Variants in DLGAP2 observed in about 807,000 individuals in gnomAD.
DLGAP2 encodes disks large-associated protein 2.
A neutral mutation model predicts 100.3 loss-of-function variants in DLGAP2; 26 were observed. The observed-to-expected ratio is 0.26, with a 90% CI of 0.19 to 0.36. DLGAP2 has a LOEUF of 0.36. DLGAP2 is among the 10% of genes least tolerant of loss of function. DLGAP2 has a pLI of 1.00. For synonymous variants in DLGAP2, 886 were observed against 630.1 expected, an observed-to-expected ratio of 1.41 and a Z score of -6.08; for missense variants, 1,858 against 1,453.2, an observed-to-expected ratio of 1.28 and a Z score of -4.53.
intron 1 of DLGAP2, among the ~76,000 whole-genome samples, chr8:785,279 C>G (rs918024653): frequency 6.8e-6 from 1 of 147,098 alleles, no homozygotes; most frequent in Non-Finnish European, 1.5e-5. Context: ...TCAGATGCGC[C>G]GGATCCTGCC....
chr8:871,362 C>T (rs1357450219), intron 1 of DLGAP2, among the ~76,000 whole-genome samples: 4 of 152,190 alleles, frequency 2.6e-5, no homozygotes, highest in African/African-American at 7.2e-5. Context: ...CTTTGGGTTA[C>T]TTTTGTATTT....
chr8:1,553,046 G>A (rs541673564), intron 5 of DLGAP2, among the ~76,000 whole-genome samples: 5 of 152,304 alleles, frequency 3.3e-5, no homozygotes, highest in South Asian at 2.1e-4. Context: ...ACAGTCCACC[G>A]AAACTCCCAG....
In DLGAP2 at chr8:989,983, C is replaced by T. The variant is rs561024728; in HGVS notation, c.73+82017C>T. On this transcript the variant is annotated intron_variant, in intron 2 of 14. Transcript: ENST00000637795. ...TCGATGAGCTCTGAGGAACGTATTCCTCAGAAAGCCTCTCTTGCCGCTCCC... is the reference window on the plus strand; with the variant it reads ...TCGATGAGCTCTGAGGAACGTATTCTTCAGAAAGCCTCTCTTGCCGCTCCC... Among the ~76,000 whole-genome samples the T allele has an allele frequency of 2.0e-5, 3 of 152,168 alleles. No individual in the cohort carries two copies. In the South Asian group the frequency reaches 6.2e-4, roughly 32 times the overall value.
At chr8:1,571,514 GTT>G (rs1802680160) in intron 6 of DLGAP2, among the ~76,000 whole-genome samples, 3 of 147,314 alleles carry the variant, frequency 2.0e-5, no homozygotes, top group Admixed American at 1.3e-4. Flanking sequence ...GAACTGGAGG[GTT>G]GTCTTCTGGG....
At chr8:1,424,334 C>T (rs1171487296) in intron 3 of DLGAP2, among the ~76,000 whole-genome samples, 2 of 152,210 alleles carry the variant, frequency 1.3e-5, no homozygotes, top group Non-Finnish European at 2.9e-5. Flanking sequence ...ATCAAGGGCC[C>T]ACTATGAGCC....
intron 1 of DLGAP2, among the ~76,000 whole-genome samples, chr8:841,126 TA>T (rs1333333138): frequency 6.6e-6 from 1 of 152,252 alleles, no homozygotes; most frequent in East Asian, 1.9e-4. Context: ...TCTATTTCAT[TA>T]TGAAATGGAG....
rs1799596774 is a variant in DLGAP2 at position 1,702,316 on chromosome 8, T to A, written c.*910T>A. On this transcript the variant is annotated 3_prime_UTR_variant, in exon 15 of 15. Coordinates refer to ENST00000637795, the MANE Select transcript of DLGAP2 (RefSeq NM_001346810.2). Reference sequence around the variant, plus strand: ...GTGATTTTTTTAATGTATGTATATATATATATTCTCAAATTGCTCTATCAG... The same window carrying A: ...GTGATTTTTTTAATGTATGTATATAAATATATTCTCAAATTGCTCTATCAG... 6.6e-6 allele frequency: 1 copy of A among 152,396 alleles called. No homozygotes were observed. Among genetic ancestry groups the A allele is most frequent in the Non-Finnish European group, 1.5e-5 (1 of 68,036 alleles). 9.4% of individuals were successfully genotyped at this position (152,396 alleles called of 1,614,324 possible).
chr8:1,258,012 C>T (rs981756162), intron 2 of DLGAP2, among the ~76,000 whole-genome samples: 4 of 152,232 alleles, frequency 2.6e-5, no homozygotes, highest in East Asian at 1.9e-4. Context: ...GCACTTGCTA[C>T]AGCTTCCTTG....
intron 3 of DLGAP2, among the ~76,000 whole-genome samples, chr8:1,362,942 G>A (rs951857206): frequency 6.6e-6 from 1 of 151,910 alleles, no homozygotes; most frequent in Non-Finnish European, 1.5e-5. Context: ...TCTTCACTTC[G>A]GGGCAGCACC....
chr8:907,552 C>T (rs145592678), intron 1 of DLGAP2, among the ~76,000 whole-genome samples: 27 of 152,252 alleles, frequency 1.8e-4, no homozygotes, highest in East Asian at 9.7e-4. Flanking sequence ...GCTCTAATTG[C>T]GCCTAATATT....
chr8:1,053,533 C>T (rs1173126914), intron 2 of DLGAP2, among the ~76,000 whole-genome samples: 1 of 152,038 alleles, frequency 6.6e-6, no homozygotes, highest in East Asian at 1.9e-4. Flanking sequence ...GAAATGTGTG[C>T]ATGCAGCTGA....
intron 2 of DLGAP2, among the ~76,000 whole-genome samples, chr8:1,232,309 T>TG (rs1391106137): frequency 2.0e-5 from 3 of 152,094 alleles, no homozygotes; most frequent in Admixed American, 6.6e-5. Context: ...TGGACCTGAG[T>TG]GGGGGTGTCT....
At chr8:791,375 G>A (rs186833868) in intron 1 of DLGAP2, among the ~76,000 whole-genome samples, 13 of 152,168 alleles carry the variant, frequency 8.5e-5, no homozygotes, top group Admixed American at 8.5e-4. Flanking sequence ...AGTGTTATCA[G>A]GAGAAAACAA....
chr8:823,510 A>T (rs1796627449), intron 1 of DLGAP2, among the ~76,000 whole-genome samples: 1 of 152,008 alleles, frequency 6.6e-6, no homozygotes, highest in African/African-American at 2.4e-5. Flanking sequence ...GCAGAAGATA[A>T]CTTGTTAAAA....
chr8:1,698,252 T>C (rs1278860204), intron 14 of DLGAP2, among the ~76,000 whole-genome samples: 2 of 152,138 alleles, frequency 1.3e-5, no homozygotes, highest in Non-Finnish European at 2.9e-5. Context: ...ACGTAAGCCA[T>C]GCGTGGGACA....
rs1282059834 is a variant in DLGAP2, at chr8:1,288,479, G to C, written c.106+29596G>C. 3.6e-5 allele frequency among the ~76,000 whole-genome samples: 4 copies of C among 112,254 alleles called. No homozygotes were observed. The South Asian group carries it at 1.5e-3, about 42-fold the overall frequency. 73.6% of individuals were successfully genotyped at this position (112,254 alleles called of 152,430 possible). A position where few individuals can be genotyped will look rare whatever the true frequency, so the allele number is the denominator to read the frequency against. On this transcript the variant is annotated intron_variant, in intron 3 of 14. Transcript: ENST00000637795. ...TCTGTTAGGAGGGGAACTTGTTTCA[G>C]TTCAGTGTGTGTGTGTGTGTGTGTG...
intron 1 of DLGAP2, chr8:753,391 A>G (rs573167162): frequency 1.3e-5 from 2 of 152,370 alleles, no homozygotes; most frequent in East Asian, 3.9e-4. Flanking sequence ...GAAATGGGAC[A>G]TTCAGTCACT....
intron 1 of DLGAP2, among the ~76,000 whole-genome samples, chr8:814,462 T>G (rs546909366): frequency 6.6e-6 from 1 of 152,344 alleles, no homozygotes; most frequent in East Asian, 1.9e-4. Flanking sequence ...TGTAACTATG[T>G]CCTGAGGATG....
intron 2 of DLGAP2, among the ~76,000 whole-genome samples, chr8:1,162,108 C>T (rs889506544): frequency 6.6e-6 from 1 of 152,180 alleles, no homozygotes; most frequent in Non-Finnish European, 1.5e-5. Flanking sequence ...CCCGTAAGCC[C>T]GTGGGGCAGA....
Sources: allele counts gnomAD v4.1 joint callset (sites outside exome capture counted in the v4.1 genomes callset), GRCh38; gene constraint gnomAD v4.1.1; transcripts MANE v1.5; gene names NCBI Gene and HGNC (gene_info 2026-07-23, HGNC 2026-07-21).